Variants in HCN1 observed in about 807,000 individuals in gnomAD.
HCN1 encodes the protein hyperpolarization activated cyclic nucleotide gated potassium channel 1.
In HCN1, 13 loss-of-function variants were observed where a neutral mutation model predicts 78.9. The ratio of observed to expected loss-of-function variants is 0.16; its 90% CI spans 0.11 to 0.26. HCN1 has a LOEUF of 0.26. Ranked by LOEUF, HCN1 falls within the 10% of genes least tolerant of loss-of-function variation. The pLI is 1.00. For synonymous variants in HCN1, 552 were observed against 455.5 expected (o/e 1.21, Z -2.70); for missense variants, 810 against 1,154.3 (o/e 0.70, Z 4.32).
rs1745327404 is a variant in HCN1, at chr5:45,289,266, G to GTA, written c.1618+14331_1618+14332dup. Among the ~76,000 whole-genome samples the GTA allele has an allele frequency of 1.3e-5, 2 of 151,978 alleles. 1 individual carries two copies. The highest frequency in any genetic ancestry group is 4.8e-5 in the African/African-American group (2 of 41,386). Reference sequence around the variant, plus strand: ...CACTTATTATTCATACAGAAAGATGGTATTACTTCACCTTACTTTACTTTG... The same window carrying GTA: ...CACTTATTATTCATACAGAAAGATGGTATATTACTTCACCTTACTTTACTTTG... On this transcript the variant is annotated intron_variant, in intron 6 of 7. Transcript: ENST00000303230.
chr5:45,641,706 A>G (rs1408202636), intron 2 of HCN1: 2 of 152,184 alleles, frequency 1.3e-5, no homozygotes, highest in African/African-American at 2.4e-5. Flanking sequence ...TAGCATTTGT[A>G]TTTGCAATTA....
chr5:45,356,817 T>C (rs1387136339), intron 4 of HCN1, among the ~76,000 whole-genome samples: 4 of 152,082 alleles, frequency 2.6e-5, no homozygotes, highest in African/African-American at 7.2e-5. Context: ...AGGTAGATTA[T>C]AACTTTGTTC....
In HCN1 at chr5:45,255,821, A is replaced by G. The variant is rs1353723077; in HGVS notation, c.*6100T>C. On this transcript the variant is annotated 3_prime_UTR_variant, in exon 8 of 8. Coordinates refer to ENST00000303230, the MANE Select transcript of HCN1 (RefSeq NM_021072.4). Reference sequence around the variant, plus strand: ...AACAGGAAATAAAAACCTTTCAAGAAAGTCTCTTTGCCTCTACACATCTGA... The same window carrying G: ...AACAGGAAATAAAAACCTTTCAAGAGAGTCTCTTTGCCTCTACACATCTGA... 1 of 152,188 alleles carries G rather than the reference A, an allele frequency of 6.6e-6. No individual in the cohort carries two copies. The highest frequency in any genetic ancestry group is 2.4e-5 in the African/African-American group (1 of 41,440). 9.4% of individuals were successfully genotyped at this position (152,188 alleles called of 1,614,324 possible). A position where few individuals can be genotyped will look rare whatever the true frequency, so the allele number is the denominator to read the frequency against.
Position 45,520,787 on chromosome 5 carries a change from C to T in HCN1, c.850-58780G>A, listed in dbSNP as rs942734944. ...TGCTGGTTTTACAATGGAGAATAAG[C>T]AGCTTCAAGGAACTTCTTTTAGAGA... is the stretch of plus-strand genomic sequence containing the variant. On this transcript the variant is annotated intron_variant, in intron 2 of 7. Coordinates refer to ENST00000303230, the MANE Select transcript of HCN1 (RefSeq NM_021072.4). 5.9e-5 allele frequency among the ~76,000 whole-genome samples: 9 copies of T among 152,012 alleles called. No homozygotes were observed. The East Asian group carries it at 1.8e-3, about 30-fold the overall frequency.
At chr5:45,457,391 T>A (rs1452657806) in intron 3 of HCN1, among the ~76,000 whole-genome samples, 1 of 152,126 alleles carries the variant, frequency 6.6e-6, no homozygotes. Context: ...CAAAATGTCA[T>A]GGGAATAAAA....
chr5:45,537,904 A>G (rs1743004238), intron 2 of HCN1, among the ~76,000 whole-genome samples: 1 of 152,154 alleles, frequency 6.6e-6, no homozygotes, highest in African/African-American at 2.4e-5. Context: ...CTGACTTTGT[A>G]GTAGACTCCA....
At chr5:45,553,237 T>A (rs1743405907) in intron 2 of HCN1, among the ~76,000 whole-genome samples, 1 of 151,852 alleles carries the variant, frequency 6.6e-6, no homozygotes, top group African/African-American at 2.4e-5. Context: ...TCACAGGCTG[T>A]CACATATTCT....
intron 2 of HCN1, among the ~76,000 whole-genome samples, chr5:45,555,235 C>A (rs1743446951): frequency 1.3e-5 from 2 of 151,766 alleles, no homozygotes; most frequent in Admixed American, 1.3e-4. Flanking sequence ...AGTAGCATTT[C>A]TATATGCCAA....
intron 6 of HCN1, among the ~76,000 whole-genome samples, chr5:45,282,592 G>T (rs1745190556): frequency 6.6e-6 from 1 of 152,078 alleles, no homozygotes; most frequent in Non-Finnish European, 1.5e-5. Context: ...CCTTAATCTG[G>T]CTTTCAAAAC....
intron 2 of HCN1, among the ~76,000 whole-genome samples, chr5:45,476,922 A>G (rs1365307478): frequency 1.3e-5 from 2 of 152,170 alleles, no homozygotes; most frequent in Non-Finnish European, 2.9e-5. Flanking sequence ...GGATTAATAA[A>G]TAATTGTGGA....
At chr5:45,646,925 T>C (rs1745559743) in intron 1 of HCN1, among the ~76,000 whole-genome samples, 2 of 152,314 alleles carry the variant, frequency 1.3e-5, no homozygotes, top group South Asian at 4.1e-4. Flanking sequence ...AATGTCTGTT[T>C]ACCAAGATAT....
At chr5:45,544,003 T>C (rs1743157049) in intron 2 of HCN1, among the ~76,000 whole-genome samples, 1 of 152,046 alleles carries the variant, frequency 6.6e-6, no homozygotes. Flanking sequence ...GCAGATTAAA[T>C]ATGTATGGCT....
intron 2 of HCN1, among the ~76,000 whole-genome samples, chr5:45,463,263 G>A (rs777126037): frequency 2.2e-4 from 34 of 151,812 alleles, no homozygotes; most frequent in Admixed American, 2.6e-4. Flanking sequence ...AAATGACAGG[G>A]CATCTGTGAT....
At chr5:45,472,820 A>C (rs1454337854) in intron 2 of HCN1, among the ~76,000 whole-genome samples, 1 of 152,028 alleles carries the variant, frequency 6.6e-6, no homozygotes, top group Non-Finnish European at 1.5e-5. Context: ...ATACCCATTC[A>C]TTCCAGAATA....
At chr5:45,449,541 C>T (rs1160555136) in intron 3 of HCN1, among the ~76,000 whole-genome samples, 2 of 152,070 alleles carry the variant, frequency 1.3e-5, no homozygotes, top group African/African-American at 4.8e-5. Flanking sequence ...GTGCCCTAAA[C>T]CTGCCTCCAT....
At chr5:45,612,949 T>C (rs1276092714) in intron 2 of HCN1, among the ~76,000 whole-genome samples, 1 of 152,210 alleles carries the variant, frequency 6.6e-6, no homozygotes, top group East Asian at 1.9e-4. Context: ...CAGCTATCCC[T>C]ATGATGATTT....
At chr5:45,372,201 T>TA (rs376980406) in intron 4 of HCN1, among the ~76,000 whole-genome samples, 6,668 of 65,498 alleles carry the variant, frequency 0.1, 774 homozygotes, top group African/African-American at 0.34. Flanking sequence ...ATTAATATAA[T>TA]ACATATTATA....
chr5:45,540,411 T>C (rs1300488906), intron 2 of HCN1, among the ~76,000 whole-genome samples: 1 of 151,718 alleles, frequency 6.6e-6, no homozygotes, highest in African/African-American at 2.4e-5. Context: ...CATTGCAGCC[T>C]CAACCTCCCC....
At chr5:45,522,608 T>C (rs1183691921) in intron 2 of HCN1, among the ~76,000 whole-genome samples, 1 of 151,894 alleles carries the variant, frequency 6.6e-6, no homozygotes, top group East Asian at 1.9e-4. Context: ...TTTTCTTTTT[T>C]TTTTTTTGTT....
Sources: gnomAD v4.1 joint callset for allele counts (sites outside exome capture counted in the v4.1 genomes callset) on GRCh38, gnomAD v4.1.1 for gene constraint, MANE v1.5 for transcripts, NCBI Gene and HGNC (gene_info 2026-07-23, HGNC 2026-07-21) for gene names.